The following TMEM266 variants were observed in gnomAD, a reference collection of about 807,000 sequenced individuals.
TMEM266 encodes transmembrane protein 266.
TMEM266 carries 33 observed loss-of-function variants against 50.5 expected under a neutral mutation model. That is an observed-to-expected ratio of 0.65 (90% CI 0.50 to 0.87). TMEM266 has a LOEUF of 0.87. Ranked by LOEUF, TMEM266 falls within the 40% of genes least tolerant of loss-of-function variation. TMEM266 has a pLI of 0.00. For missense variants in TMEM266, 655 were observed against 695.1 expected, an observed-to-expected ratio of 0.94 and a Z score of 0.65; for synonymous variants, 310 against 292.3, an observed-to-expected ratio of 1.06 and a Z score of -0.62.
intron 8 of TMEM266, 179 bp from the exon 9 acceptor site, chr15:76,191,789 G>C (rs2469540): frequency 0.99 from 589,664 of 593,462 alleles, 293,046 homozygotes; most frequent in East Asian, 1. Context: ...CTCCGCAACC[G>C]TAAGAAGCTC....
chr15:76,196,020 G>A (rs2038650118), intron 9 of TMEM266, among the ~76,000 whole-genome samples: 1 of 152,246 alleles, frequency 6.6e-6, no homozygotes. Flanking sequence ...GCAGAAGGGA[G>A]AAAGCAGGTC....
At chr15:76,203,381 A>T (rs2038781270) in intron 10 of TMEM266, among the ~76,000 whole-genome samples, 1 of 152,028 alleles carries the variant, frequency 6.6e-6, no homozygotes, top group African/African-American at 2.4e-5. Flanking sequence ...CATCACTGTT[A>T]CTCCAGCACC....
At chr15:76,102,446 C>T (rs2037013731) in intron 1 of TMEM266, among the ~76,000 whole-genome samples, 1 of 151,768 alleles carries the variant, frequency 6.6e-6, no homozygotes, top group African/African-American at 2.4e-5. Flanking sequence ...TGTGCAAAGA[C>T]CTGAAGGAGA....
At chr15:76,117,841 T>A (rs1378719637) in intron 1 of TMEM266, among the ~76,000 whole-genome samples, 2 of 152,138 alleles carry the variant, frequency 1.3e-5, no homozygotes, top group African/African-American at 2.4e-5. Context: ...AGGAGGGACA[T>A]GAAAGTAGAG....
chr15:76,118,224 CATT>C (rs1221777462), intron 1 of TMEM266, among the ~76,000 whole-genome samples: 2 of 152,190 alleles, frequency 1.3e-5, no homozygotes, highest in African/African-American at 4.8e-5. Context: ...CATCTTCAGT[CATT>C]ATTTACATCA....
intron 1 of TMEM266, among the ~76,000 whole-genome samples, chr15:76,090,712 A>T (rs1015585661): frequency 6.6e-6 from 1 of 152,032 alleles, no homozygotes; most frequent in African/African-American, 2.4e-5. Context: ...AAACAATCTG[A>T]GCTCATAGAA....
chr15:76,075,312 G>C (rs1396284744), intron 1 of TMEM266, among the ~76,000 whole-genome samples: 1 of 152,112 alleles, frequency 6.6e-6, no homozygotes, highest in Admixed American at 6.5e-5. Context: ...AGGTCAAGAG[G>C]AGGAGGAAGA....
At chr15:76,093,204 G>C (rs1356864543) in intron 1 of TMEM266, among the ~76,000 whole-genome samples, 1 of 151,338 alleles carries the variant, frequency 6.6e-6, no homozygotes, top group African/African-American at 2.4e-5. Flanking sequence ...TAATTACATA[G>C]GTATACACGT....
intron 3 of TMEM266, among the ~76,000 whole-genome samples, chr15:76,147,723 A>G (rs1207704442): frequency 2.0e-5 from 3 of 152,260 alleles, no homozygotes; most frequent in African/African-American, 7.2e-5. Flanking sequence ...GGAACCCCAG[A>G]GAAGTTTCCT....
intron 1 of TMEM266, among the ~76,000 whole-genome samples, chr15:76,084,598 G>GTTTTTTT (rs111324062): frequency 1.1e-5 from 1 of 87,680 alleles, no homozygotes; most frequent in African/African-American, 3.7e-5. Context: ...GTTTTTTTTG[G>GTTTTTTT]TTTTTTTTTT....
intron 1 of TMEM266, among the ~76,000 whole-genome samples, chr15:76,132,503 T>A (rs1019291611): frequency 1.3e-5 from 2 of 152,074 alleles, no homozygotes; most frequent in African/African-American, 4.8e-5. Context: ...TATAAAAAAA[T>A]AATTATTATG....
intron 9 of TMEM266, among the ~76,000 whole-genome samples, chr15:76,196,275 C>T (rs2038655079): frequency 6.6e-6 from 1 of 152,194 alleles, no homozygotes; most frequent in Non-Finnish European, 1.5e-5. Context: ...CTCCTGGGTA[C>T]CTCCCGGCTC....
At chr15:76,075,822 A>G (rs1008223025) in intron 1 of TMEM266, among the ~76,000 whole-genome samples, 1 of 138,766 alleles carries the variant, frequency 7.2e-6, no homozygotes, top group Admixed American at 7.5e-5. Flanking sequence ...CTGGAGGAGA[A>G]TGAAGAGAAG....
chr15:76,061,386 T>C (rs2036300171), intron 1 of TMEM266, among the ~76,000 whole-genome samples: 1 of 152,138 alleles, frequency 6.6e-6, no homozygotes, highest in African/African-American at 2.4e-5. Context: ...CTTAGAAAGG[T>C]TAACTAACTT....
chr15:76,158,203 A>C (rs1358275267), intron 4 of TMEM266, among the ~76,000 whole-genome samples: 1 of 152,176 alleles, frequency 6.6e-6, no homozygotes, highest in Non-Finnish European at 1.5e-5. Context: ...CCTCCAAGTC[A>C]CATGAGCCTT....
chr15:76,128,756 A>G (rs1035851915), intron 1 of TMEM266, among the ~76,000 whole-genome samples: 2 of 152,218 alleles, frequency 1.3e-5, no homozygotes, highest in Non-Finnish European at 2.9e-5. Context: ...GTCCATCTAA[A>G]TATGATTTTA....
intron 5 of TMEM266, among the ~76,000 whole-genome samples, chr15:76,169,244 C>A (rs764150640): frequency 6.6e-6 from 1 of 152,024 alleles, no homozygotes; most frequent in Non-Finnish European, 1.5e-5. Context: ...AAGGCCACTC[C>A]CAGATGCAAG....
At chr15:76,154,019 C>A (rs1483684505) in intron 3 of TMEM266, among the ~76,000 whole-genome samples, 1 of 152,118 alleles carries the variant, frequency 6.6e-6, no homozygotes, top group Non-Finnish European at 1.5e-5. Flanking sequence ...GCGCTTTTCC[C>A]CAGCTCATCC....
chr15:76,180,116 G>A (rs4261493), intron 8 of TMEM266, among the ~76,000 whole-genome samples: 7,424 of 152,234 alleles, frequency 0.049, 248 homozygotes, highest in Non-Finnish European at 0.072. Flanking sequence ...CCAAAAAATA[G>A]TGAAGCAGGT....
Sources: gnomAD v4.1 joint callset for allele counts (sites outside exome capture counted in the v4.1 genomes callset) on GRCh38, gnomAD v4.1.1 for gene constraint, MANE v1.5 for transcripts, NCBI Gene and HGNC (gene_info 2026-07-23, HGNC 2026-07-21) for gene names.